Variants in NUBPL observed in about 807,000 individuals in gnomAD.
NUBPL encodes iron-sulfur cluster transfer protein NUBPL.
Under a neutral mutation model 45.7 loss-of-function variants are expected in NUBPL, and 31 were observed. That is an observed-to-expected ratio of 0.68 (90% CI 0.51 to 0.92). The LOEUF is 0.92. NUBPL is among the 40% of genes least tolerant of loss of function. The pLI, the probability that NUBPL is intolerant of heterozygous loss-of-function variation, is 0.00. For missense variants in NUBPL, 401 were observed against 398.7 expected, an observed-to-expected ratio of 1.01 and a Z score of -0.05; for synonymous variants, 144 against 140.9, an observed-to-expected ratio of 1.02 and a Z score of -0.15.
chr14:31,808,526 G>T (rs937879007), intron 7 of NUBPL, among the ~76,000 whole-genome samples: 1 of 152,240 alleles, frequency 6.6e-6, no homozygotes, highest in South Asian at 2.1e-4. Context: ...GGGCTGAGAC[G>T]ATGGGGTTTT....
intron 6 of NUBPL, among the ~76,000 whole-genome samples, chr14:31,771,203 A>G (rs1034078537): frequency 2.0e-5 from 3 of 152,156 alleles, no homozygotes; most frequent in Admixed American, 6.6e-5. Flanking sequence ...TTTACACTCT[A>G]GATTTCCATG....
At chr14:31,621,683 G>A (rs146986945) in intron 4 of NUBPL, among the ~76,000 whole-genome samples, 59 of 152,310 alleles carry the variant, frequency 3.9e-4, no homozygotes, top group Non-Finnish European at 7.1e-4. Context: ...GAAATCACCC[G>A]CCTTCTGCGT....
chr14:31,700,530 CG>C (rs2037308485), intron 6 of NUBPL, among the ~76,000 whole-genome samples: 1 of 152,062 alleles, frequency 6.6e-6, no homozygotes, highest in Non-Finnish European at 1.5e-5. Flanking sequence ...CCTCTGCTTG[CG>C]GGGAGGTGTG....
intron 4 of NUBPL, among the ~76,000 whole-genome samples, chr14:31,620,622 G>A (rs1341983372): frequency 6.6e-6 from 1 of 152,240 alleles, no homozygotes; most frequent in African/African-American, 2.4e-5. Context: ...CTGCAGAGCA[G>A]CAAAGATTCC....
chr14:31,729,677 A>AC (rs1395998933), intron 6 of NUBPL, among the ~76,000 whole-genome samples: 1 of 151,950 alleles, frequency 6.6e-6, no homozygotes, highest in East Asian at 1.9e-4. Context: ...AGCCATCTTA[A>AC]CACTGTTATT....
At chr14:31,631,083 A>G (rs780009829) in intron 4 of NUBPL, among the ~76,000 whole-genome samples, 39 of 152,278 alleles carry the variant, frequency 2.6e-4, no homozygotes, top group Non-Finnish European at 4.6e-4. Flanking sequence ...TCAGCCTGGA[A>G]GCTGTCTCCA....
At chr14:31,783,941 C>T (rs887122959) in intron 6 of NUBPL, among the ~76,000 whole-genome samples, 2 of 152,176 alleles carry the variant, frequency 1.3e-5, no homozygotes, top group Non-Finnish European at 2.9e-5. Context: ...AACCCAGAGA[C>T]GTGTCAGTCT....
In NUBPL at chr14:31,843,492, T is replaced by C. The variant is rs117940071; in HGVS notation, c.694-2979T>C. ...TTTAACACACTGAAGTCCTGAGTAA[T>C]GAGTCAACTACAACTACAGGCATAG... On this transcript the variant is annotated intron_variant, in intron 8 of 10. Coordinates refer to ENST00000281081, the MANE Select transcript of NUBPL (RefSeq NM_025152.3). 2.7e-4 allele frequency among the ~76,000 whole-genome samples: 41 copies of C among 152,366 alleles called. No individual in the cohort carries two copies. The East Asian group carries it at 7.7e-3, about 29-fold the overall frequency.
intron 6 of NUBPL, among the ~76,000 whole-genome samples, chr14:31,700,971 G>A (rs192563977): frequency 1.6e-3 from 243 of 152,318 alleles, no homozygotes; most frequent in Middle Eastern, 6.8e-3. Context: ...CTCCATCTAT[G>A]GCCCCAGCAC....
In NUBPL at chr14:31,613,729, TAC is replaced by T. The variant is rs1180830490; in HGVS notation, c.382+14352_382+14353del. Reference sequence around the variant, plus strand: ...CCTCAGCCTCCCAAAGTGCTGGGATTACAGGTGTGAGCCACTGCGCCCGGCCT... The same window carrying T: ...CCTCAGCCTCCCAAAGTGCTGGGATTAGGTGTGAGCCACTGCGCCCGGCCT... On this transcript the variant is annotated intron_variant, in intron 4 of 10. Coordinates refer to ENST00000281081, the MANE Select transcript of NUBPL (RefSeq NM_025152.3). 2.0e-5 allele frequency among the ~76,000 whole-genome samples: 3 copies of T among 152,250 alleles called. No individual in the cohort carries two copies. The East Asian group carries it at 5.8e-4, about 29-fold the overall frequency.
chr14:31,656,428 A>G (rs1392057219), intron 4 of NUBPL, among the ~76,000 whole-genome samples: 1 of 152,172 alleles, frequency 6.6e-6, no homozygotes, highest in African/African-American at 2.4e-5. Context: ...TTTTGACACA[A>G]TTTCCTTACC....
chr14:31,818,783 T>C, intron 7 of NUBPL, among the ~76,000 whole-genome samples: 1 of 152,152 alleles, frequency 6.6e-6, no homozygotes, highest in East Asian at 1.9e-4. Flanking sequence ...CTCCTGACCT[T>C]GTGATCTGCC....
At chr14:31,687,291 T>G (rs2036975675) in intron 6 of NUBPL, among the ~76,000 whole-genome samples, 1 of 152,222 alleles carries the variant, frequency 6.6e-6, no homozygotes, top group African/African-American at 2.4e-5. Flanking sequence ...CCATGTATCT[T>G]AGAAATATCA....
intron 6 of NUBPL, among the ~76,000 whole-genome samples, chr14:31,706,942 G>C (rs865956891): frequency 1.4e-4 from 21 of 152,186 alleles, no homozygotes; most frequent in African/African-American, 4.3e-4. Context: ...TCCTGATTCT[G>C]TAAGTACTTT....
chr14:31,846,372 T>A, intron 8 of NUBPL, 99 bp from the exon 9 acceptor site: 1 of 910,498 alleles, frequency 1.1e-6, no homozygotes, highest in South Asian at 1.4e-5. Context: ...CATTGATGAG[T>A]GCCACTAGAA....
chr14:31,590,074 C>T (rs2034102845), intron 3 of NUBPL, among the ~76,000 whole-genome samples: 1 of 152,128 alleles, frequency 6.6e-6, no homozygotes, highest in South Asian at 2.1e-4. Context: ...CAAAACTACT[C>T]CACATCCTTT....
At chr14:31,697,452 C>T (rs1284055112) in intron 6 of NUBPL, among the ~76,000 whole-genome samples, 1 of 152,164 alleles carries the variant, frequency 6.6e-6, no homozygotes, top group African/African-American at 2.4e-5. Flanking sequence ...TTTACAATGT[C>T]CTATTTCTAC....
At chr14:31,810,643 A>G (rs899170976) in intron 7 of NUBPL, among the ~76,000 whole-genome samples, 68 of 152,154 alleles carry the variant, frequency 4.5e-4, no homozygotes, top group Non-Finnish European at 2.1e-4. Flanking sequence ...GTGATGTGTG[A>G]ATTTGATCCT....
chr14:31,834,815 C>A (rs1010986885), intron 8 of NUBPL, among the ~76,000 whole-genome samples: 3 of 152,138 alleles, frequency 2.0e-5, no homozygotes, highest in African/African-American at 7.2e-5. Context: ...ATAAGAATAT[C>A]TATTTGTTTA....
Sources: allele counts gnomAD v4.1 joint callset (sites outside exome capture counted in the v4.1 genomes callset), GRCh38; gene constraint gnomAD v4.1.1; transcripts MANE v1.5; gene names NCBI Gene and HGNC (gene_info 2026-07-23, HGNC 2026-07-21).